PRELID2: variants seen among roughly 807,000 people sequenced by gnomAD.
The protein encoded by PRELID2 is PRELI domain containing 2.
In PRELID2, 25 loss-of-function variants were observed where a neutral mutation model predicts 28.4. The ratio of observed to expected loss-of-function variants is 0.88; its 90% CI spans 0.64 to 1.23. PRELID2 has a LOEUF of 1.23. Ranked by LOEUF, PRELID2 falls within the 50% of genes most tolerant of loss-of-function variation. PRELID2 has a pLI of 0.00. For synonymous variants in PRELID2, 76 were observed against 71.6 expected (o/e 1.06, Z -0.31); for missense variants, 201 against 214.4 (o/e 0.94, Z 0.39).
chr5:145,746,059 A>C (rs185263404), intron 1 of PRELID2, among the ~76,000 whole-genome samples: 1 of 152,280 alleles, frequency 6.6e-6, no homozygotes, highest in Admixed American at 6.5e-5. Flanking sequence ...CACTGCAAAA[A>C]CACACCAAAA....
intron 5 of PRELID2, among the ~76,000 whole-genome samples, chr5:145,771,110 T>C (rs532624362): frequency 1.8e-4 from 27 of 152,290 alleles, no homozygotes; most frequent in African/African-American, 5.5e-4. Flanking sequence ...AAGTGTCCTA[T>C]ACAGGTATAC....
Position 145,709,685 on chromosome 5 carries a change from T to C in PRELID2, n.70+55246A>G, listed in dbSNP as rs185001137. On this transcript the variant is annotated intron_variant and non_coding_transcript_variant, in intron 1 of 2. Coordinates refer to the PRELID2 transcript ENST00000510259. ...ACAGGAATTTTAGAACATCAAGAGA[T>C]AGGAGCCAATCACCAAACTAAAGAT... 4.6e-5 allele frequency among the ~76,000 whole-genome samples: 7 copies of C among 152,258 alleles called. No individual in the cohort carries two copies. In the East Asian group the frequency reaches 1.2e-3, roughly 25 times the overall value.
the PRELID2 span, among the ~76,000 whole-genome samples, chr5:145,314,261 G>T: frequency 6.6e-6 from 1 of 152,166 alleles, no homozygotes; most frequent in South Asian, 2.1e-4. Flanking sequence ...TAAAGTGTAT[G>T]TCTAGCCTTT....
chr5:145,629,813 C>T (rs573325289), intron 1 of PRELID2, among the ~76,000 whole-genome samples: 1 of 147,200 alleles, frequency 6.8e-6, no homozygotes, highest in East Asian at 1.9e-4. Flanking sequence ...CTTCGTAATG[C>T]TTTTTAAAAT....
chr5:145,516,273 G>GA (rs1407175847), intron 1 of PRELID2, among the ~76,000 whole-genome samples: 2 of 152,148 alleles, frequency 1.3e-5, no homozygotes, highest in African/African-American at 2.4e-5. Flanking sequence ...TCCTCAAGCT[G>GA]ATAAGCAAAT....
chr5:145,465,627 G>A, the PRELID2 span, among the ~76,000 whole-genome samples: 2,131 of 152,152 alleles, frequency 0.014, 46 homozygotes, highest in African/African-American at 0.048. Context: ...TAAAATAACC[G>A]TCCTAATCGT....
intron 1 of PRELID2, among the ~76,000 whole-genome samples, chr5:145,708,973 A>C (rs530856974): frequency 1.3e-5 from 2 of 152,300 alleles, no homozygotes; most frequent in Admixed American, 6.5e-5. Flanking sequence ...AACTACACAA[A>C]GGTTGTGAGA....
intron 1 of PRELID2, among the ~76,000 whole-genome samples, chr5:145,630,620 T>C (rs1478209053): frequency 6.6e-6 from 1 of 151,982 alleles, no homozygotes; most frequent in Non-Finnish European, 1.5e-5. Flanking sequence ...AAAGCCAGAG[T>C]CCAAATAACT....
rs570349848 is a variant in PRELID2 at position 145,564,831 on chromosome 5, C to T, written n.71-91516G>A. On this transcript the variant is annotated intron_variant and non_coding_transcript_variant, in intron 1 of 2. Coordinates refer to the PRELID2 transcript ENST00000510259. ...CAACTTTTTCCAAATAAGGCTTCATCTTCTTTATTCCCAAAATGAGAAAGC... is the reference window on the plus strand; with the variant it reads ...CAACTTTTTCCAAATAAGGCTTCATTTTCTTTATTCCCAAAATGAGAAAGC... 3.9e-5 allele frequency among the ~76,000 whole-genome samples: 6 copies of T among 152,320 alleles called. No homozygotes were observed. The South Asian group carries it at 1.0e-3, about 26-fold the overall frequency.
At chr5:145,594,987 G>A (rs533136862) in intron 1 of PRELID2, among the ~76,000 whole-genome samples, 72 of 152,148 alleles carry the variant, frequency 4.7e-4, no homozygotes, top group Admixed American at 1.3e-3. Context: ...AATTAGCTGG[G>A]TGTGGTGGCG....
chr5:145,456,610 T>G, the PRELID2 span, among the ~76,000 whole-genome samples: 5 of 152,160 alleles, frequency 3.3e-5, no homozygotes, highest in African/African-American at 1.2e-4. Flanking sequence ...TCAAATTTGC[T>G]TTTTCTACTT....
At chr5:145,237,965 A>G in the PRELID2 span, among the ~76,000 whole-genome samples, 519 of 152,034 alleles carry the variant, frequency 3.4e-3, 4 homozygotes, top group African/African-American at 0.012. Flanking sequence ...CAACCCTCCA[A>G]TCCTACTAGC....
the PRELID2 span, among the ~76,000 whole-genome samples, chr5:145,338,971 C>T: frequency 1.3e-5 from 2 of 152,296 alleles, no homozygotes; most frequent in South Asian, 2.1e-4. Context: ...TAATTATCTA[C>T]ATTTTTCAAG....
At chr5:145,291,182 A>G in the PRELID2 span, among the ~76,000 whole-genome samples, 1 of 133,046 alleles carries the variant, frequency 7.5e-6, no homozygotes, top group African/African-American at 3.2e-5. Context: ...TACTAAAAAT[A>G]CAAAAGTTTG....
At chr5:145,684,503 T>C (rs144384683) in intron 1 of PRELID2, among the ~76,000 whole-genome samples, 84 of 152,344 alleles carry the variant, frequency 5.5e-4, no homozygotes, top group African/African-American at 1.9e-3. Flanking sequence ...TTTGGTTAGC[T>C]TTCATTTTGT....
intron 1 of PRELID2, among the ~76,000 whole-genome samples, chr5:145,492,618 A>T (rs1028184637): frequency 7.1e-6 from 1 of 141,164 alleles, no homozygotes; most frequent in African/African-American, 2.5e-5. Flanking sequence ...GAGCTTTTTC[A>T]CTATGTTTTC....
chr5:145,455,508 G>T, the PRELID2 span, among the ~76,000 whole-genome samples: 5 of 152,142 alleles, frequency 3.3e-5, no homozygotes, highest in Admixed American at 3.3e-4. Context: ...GGTGGGGATA[G>T]CATTGAATCT....
At chr5:145,356,394 CA>C in the PRELID2 span, among the ~76,000 whole-genome samples, 2 of 151,836 alleles carry the variant, frequency 1.3e-5, no homozygotes, top group African/African-American at 4.8e-5. Flanking sequence ...TATTATTGTG[CA>C]GTTATTTAAG....
chr5:145,768,945 A>T (rs1561586802), intron 5 of PRELID2, among the ~76,000 whole-genome samples: 1 of 152,178 alleles, frequency 6.6e-6, no homozygotes, highest in African/African-American at 2.4e-5. Flanking sequence ...AGAAAAAAAA[A>T]CACCTAACAG....
Sources: gnomAD v4.1 joint callset for allele counts (sites outside exome capture counted in the v4.1 genomes callset) on GRCh38, gnomAD v4.1.1 for gene constraint, MANE v1.5 for transcripts, NCBI Gene and HGNC (gene_info 2026-07-23, HGNC 2026-07-21) for gene names.